The following NEDD4L variants were observed in gnomAD, a reference collection of about 807,000 sequenced individuals.
The protein encoded by NEDD4L is NEDD4 like E3 ubiquitin protein ligase, also known as E3 ubiquitin-protein ligase NEDD4-like.
NEDD4L carries 54 observed loss-of-function variants against 148.9 expected under a neutral mutation model. That is an observed-to-expected ratio of 0.36 (90% CI 0.29 to 0.45). The LOEUF (loss-of-function observed/expected upper bound fraction) is 0.45. Ranked by LOEUF, NEDD4L falls within the 20% of genes least tolerant of loss-of-function variation. The pLI, the probability that NEDD4L is intolerant of heterozygous loss-of-function variation, is 1.00. For synonymous variants in NEDD4L, 433 were observed against 440.7 expected (o/e 0.98, Z 0.22); for missense variants, 856 against 1,233.8 (o/e 0.69, Z 4.59).
At chr18:58,108,009 T>C (rs1787505591) in intron 1 of NEDD4L, among the ~76,000 whole-genome samples, 1 of 152,078 alleles carries the variant, frequency 6.6e-6, no homozygotes. Context: ...CATGAGCCAC[T>C]GCACCCAGCT....
At chr18:58,364,525 T>G (rs2045880719) in intron 20 of NEDD4L, among the ~76,000 whole-genome samples, 192 bp downstream of exon 20, 1 of 152,212 alleles carries the variant, frequency 6.6e-6, no homozygotes. Context: ...TAAGTGAAAA[T>G]TAACTCAGTG....
intron 1 of NEDD4L, among the ~76,000 whole-genome samples, chr18:58,109,214 A>G (rs183823801): frequency 4.3e-4 from 66 of 152,332 alleles, no homozygotes; most frequent in African/African-American, 1.5e-3. Flanking sequence ...GAAGCCCAGG[A>G]GGGCGTGATA....
chr18:58,394,055 G>A (rs952752301), intron 30 of NEDD4L, among the ~76,000 whole-genome samples: 5 of 152,172 alleles, frequency 3.3e-5, no homozygotes, highest in African/African-American at 1.2e-4. Context: ...TCCACGTGAG[G>A]ACGCTGAAGC....
chr18:58,304,361 A>C (rs929434716), intron 5 of NEDD4L, among the ~76,000 whole-genome samples: 3 of 151,826 alleles, frequency 2.0e-5, no homozygotes, highest in African/African-American at 7.3e-5. Flanking sequence ...AAAAAAAAAA[A>C]AAATTAGCCT....
intron 16 of NEDD4L, among the ~76,000 whole-genome samples, chr18:58,347,207 CCCCCCCG>C (rs1406312779): frequency 2.8e-5 from 2 of 70,560 alleles, no homozygotes; most frequent in African/African-American, 1.3e-4. Flanking sequence ...ACGCTACGGC[CCCCCCCG>C]CCCCCCCCCC....
chr18:58,068,345 G>A (rs1310636595), intron 1 of NEDD4L, among the ~76,000 whole-genome samples: 2 of 151,984 alleles, frequency 1.3e-5, no homozygotes, highest in African/African-American at 2.4e-5. Flanking sequence ...GACTACAGGC[G>A]CCTGCCACCA....
chr18:58,285,911 G>A lies in NEDD4L; in HGVS notation c.298-30071G>A, dbSNP rs73437239. 2.4e-4 allele frequency among the ~76,000 whole-genome samples: 36 copies of A among 152,260 alleles called. No homozygotes were observed. In the East Asian group the frequency reaches 3.3e-3, roughly 14 times the overall value. On this transcript the variant is annotated intron_variant, in intron 5 of 30. Coordinates refer to ENST00000400345, the MANE Select transcript of NEDD4L (RefSeq NM_001144967.3). The stretch of plus-strand genomic sequence containing the variant: ...TTCAGCAAGCTGTTATCTTGCTTAC[G>A]CAATGAATAGAACATTATGTTCTAA...
chr18:58,050,472 T>G (rs1458421564), intron 1 of NEDD4L, among the ~76,000 whole-genome samples: 1 of 150,504 alleles, frequency 6.6e-6, no homozygotes, highest in Non-Finnish European at 1.5e-5. Context: ...TCTGTCACAA[T>G]AATAACAGGC....
chr18:58,123,024 C>G (rs2030266988), intron 1 of NEDD4L, among the ~76,000 whole-genome samples: 1 of 152,224 alleles, frequency 6.6e-6, no homozygotes, highest in South Asian at 2.1e-4. Flanking sequence ...TGAGCCACTG[C>G]ACCTGGCCCC....
At chr18:58,105,088 C>G (rs1011827057) in intron 1 of NEDD4L, among the ~76,000 whole-genome samples, 1 of 152,144 alleles carries the variant, frequency 6.6e-6, no homozygotes, top group Non-Finnish European at 1.5e-5. Flanking sequence ...AAGCCTGTAA[C>G]TTATAAGGTA....
At chr18:58,139,624 G>A (rs2033265581) in intron 1 of NEDD4L, among the ~76,000 whole-genome samples, 1 of 152,206 alleles carries the variant, frequency 6.6e-6, no homozygotes, top group East Asian at 1.9e-4. Flanking sequence ...GACAGAAGAA[G>A]GGTGGAGGAT....
chr18:58,384,955 G>T (rs1377703204), intron 25 of NEDD4L, among the ~76,000 whole-genome samples: 1 of 152,118 alleles, frequency 6.6e-6, no homozygotes, highest in Non-Finnish European at 1.5e-5. Flanking sequence ...TGCATAAGGA[G>T]GTCTTACCAT....
chr18:58,132,278 G>A (rs1243602442), intron 1 of NEDD4L, among the ~76,000 whole-genome samples: 1 of 152,190 alleles, frequency 6.6e-6, no homozygotes, highest in African/African-American at 2.4e-5. Context: ...ACAGGAGAGA[G>A]GGGATTAGAA....
intron 6 of NEDD4L, among the ~76,000 whole-genome samples, chr18:58,316,728 G>A (rs1424160609): frequency 6.6e-6 from 1 of 152,226 alleles, no homozygotes; most frequent in African/African-American, 2.4e-5. Context: ...AGGACCTGGA[G>A]GCCTTGAGAA....
chr18:58,215,072 A>T (rs1284875282), intron 2 of NEDD4L, among the ~76,000 whole-genome samples: 1 of 152,152 alleles, frequency 6.6e-6, no homozygotes, highest in Non-Finnish European at 1.5e-5. Flanking sequence ...TTGGCTTCCC[A>T]AAGTGCTAGG....
At chr18:58,125,056 C>T (rs2030785173) in intron 1 of NEDD4L, among the ~76,000 whole-genome samples, 1 of 152,112 alleles carries the variant, frequency 6.6e-6, no homozygotes, top group South Asian at 2.1e-4. Context: ...GTGCTTGCCA[C>T]CAGCTAATTT....
At chr18:58,207,615 A>AT in intron 2 of NEDD4L, among the ~76,000 whole-genome samples, 1 of 152,238 alleles carries the variant, frequency 6.6e-6, no homozygotes, top group East Asian at 1.9e-4. Flanking sequence ...CCTTTTTAAA[A>AT]TTTCTATGAC....
rs1044743932 is a variant in NEDD4L at position 58,397,166 on chromosome 18, G to T, written c.*897G>T. The T allele has an allele frequency of 1.3e-5, 2 of 152,488 alleles. No individual in the cohort carries two copies. The highest frequency in any genetic ancestry group is 6.5e-5 in the Admixed American group (1 of 15,278). The allele number at this position is 152,488 out of a possible 1,614,324, so 9.4% of individuals were successfully genotyped here. ...TCATCTTTTATTCTATTTCCTCTTT[G>T]CTGTTTGTAGTAGAGACATTTTGAA... On this transcript the variant is annotated 3_prime_UTR_variant, in exon 31 of 31. Coordinates refer to ENST00000400345, the MANE Select transcript of NEDD4L (RefSeq NM_001144967.3).
Position 58,391,509 on chromosome 18 carries a change from T to C in NEDD4L, c.2775T>C (p.Phe925=), listed in dbSNP as rs2146993170. The C allele has an allele frequency of 1.3e-6, 2 of 1,583,184 alleles. No individual in the cohort carries two copies. Among genetic ancestry groups the C allele is most frequent in the Non-Finnish European group, 1.7e-6 (2 of 1,163,454 alleles). ...TAGGTTCCAATGGTCCTCAGCTGTT[T>C]ACAATAGAGCAATGGGGCAGTCCTG... ...ELYGSNGPQL[F]TIEQWGSPEK... is the part of the protein sequence containing the mutation. The change falls in exon 30 of 31, where the codon TTT becomes TTC. Residue 925 remains phenylalanine (F), a synonymous_variant. Coordinates refer to ENST00000400345, the MANE Select transcript of NEDD4L (RefSeq NM_001144967.3).
Sources: allele counts gnomAD v4.1 joint callset (sites outside exome capture counted in the v4.1 genomes callset), GRCh38; gene constraint gnomAD v4.1.1; transcripts MANE v1.5; gene names NCBI Gene and HGNC (gene_info 2026-07-23, HGNC 2026-07-21).